SLC25A31: variants seen among roughly 807,000 people sequenced by gnomAD.
SLC25A31 encodes the protein ADP/ATP translocase 4.
Under a neutral mutation model 36.2 loss-of-function variants are expected in SLC25A31, and 40 were observed. The observed-to-expected ratio is 1.10, with a 90% CI of 0.86 to 1.44. The LOEUF is 1.44. SLC25A31 is among the 40% of genes most tolerant of loss of function. The pLI, the probability that SLC25A31 is intolerant of heterozygous loss-of-function variation, is 0.00. For synonymous variants in SLC25A31, 143 were observed against 149.7 expected, an observed-to-expected ratio of 0.96 and a Z score of 0.32; for missense variants, 350 against 397.1, an observed-to-expected ratio of 0.88 and a Z score of 1.01.
chr4:127,762,754 T>TA (rs1307132319), intron 2 of SLC25A31, among the ~76,000 whole-genome samples: 77 of 147,310 alleles, frequency 5.2e-4, no homozygotes, highest in Admixed American at 8.8e-4. Flanking sequence ...CCATCTCTAC[T>TA]AAAAAAAAAA....
chr4:127,758,545 G>A (rs1732073290), intron 2 of SLC25A31, among the ~76,000 whole-genome samples: 1 of 152,084 alleles, frequency 6.6e-6, no homozygotes, highest in South Asian at 2.1e-4. Flanking sequence ...TCTTTGCCAA[G>A]GCCAATGTTT....
chr4:127,762,156 A>G (rs759475824), intron 2 of SLC25A31, among the ~76,000 whole-genome samples: 1 of 152,232 alleles, frequency 6.6e-6, no homozygotes, highest in Non-Finnish European at 1.5e-5. Flanking sequence ...CAGAGGAATT[A>G]AGAATCTTGG....
At chr4:127,746,494 G>A (rs989295214) in intron 2 of SLC25A31, among the ~76,000 whole-genome samples, 1 of 152,064 alleles carries the variant, frequency 6.6e-6, no homozygotes, top group Non-Finnish European at 1.5e-5. Flanking sequence ...CCATGAGACA[G>A]TATCACATTG....
chr4:127,753,820 G>A (rs1202592538), intron 2 of SLC25A31, among the ~76,000 whole-genome samples: 1 of 152,114 alleles, frequency 6.6e-6, no homozygotes, highest in Non-Finnish European at 1.5e-5. Flanking sequence ...TATGAGGTCA[G>A]CATTACTCTG....
At chr4:127,743,313 T>G (rs1560632818) in intron 1 of SLC25A31, among the ~76,000 whole-genome samples, 1 of 152,090 alleles carries the variant, frequency 6.6e-6, no homozygotes, top group Admixed American at 6.5e-5. Flanking sequence ...TTTTTTAATT[T>G]TTTGTAGAGA....
chr4:127,732,265 G>T (rs1271457489), intron 1 of SLC25A31, among the ~76,000 whole-genome samples: 4 of 152,170 alleles, frequency 2.6e-5, no homozygotes, highest in Non-Finnish European at 5.9e-5. Flanking sequence ...AAAGCACCTT[G>T]TACCCTAGGA....
chr4:127,760,494 C>T (rs1300869099), intron 2 of SLC25A31, among the ~76,000 whole-genome samples: 1 of 152,176 alleles, frequency 6.6e-6, no homozygotes, highest in Non-Finnish European at 1.5e-5. Flanking sequence ...GCATAAACTG[C>T]TCCTCAGCCA....
chr4:127,739,495 C>T (rs1253547384), intron 1 of SLC25A31, among the ~76,000 whole-genome samples: 6 of 152,158 alleles, frequency 3.9e-5, no homozygotes, highest in African/African-American at 1.2e-4. Flanking sequence ...TGTACATGAT[C>T]TGACCTTTTC....
At chr4:127,768,133 GTATTATT>G (rs1228158768) in intron 4 of SLC25A31, among the ~76,000 whole-genome samples, 1 of 151,516 alleles carries the variant, frequency 6.6e-6, no homozygotes, top group Non-Finnish European at 1.5e-5. Context: ...ATTAATATCA[GTATTATT>G]TATTAGTATA....
In SLC25A31 at chr4:127,767,231, G is replaced by T; in HGVS notation, c.633+11G>T. ...TATGACACAGTTAAGGTAATCTGGG[G>T]GCTTTAACTTGGACATATTAAATAT... On this transcript the variant is annotated intron_variant, in intron 4 of 5. Coordinates refer to ENST00000281154, the MANE Select transcript of SLC25A31 (RefSeq NM_031291.4). 1 of 1,539,406 alleles carries T rather than the reference G, an allele frequency of 6.5e-7. No individual in the cohort carries two copies. The highest frequency in any genetic ancestry group is 8.7e-7 in the Non-Finnish European group (1 of 1,144,606).
intron 1 of SLC25A31, among the ~76,000 whole-genome samples, chr4:127,740,877 C>T (rs967644469): frequency 3.3e-5 from 5 of 152,212 alleles, no homozygotes; most frequent in Admixed American, 3.3e-4. Flanking sequence ...GTGGCTCAGG[C>T]TGCTCATCTA....
chr4:127,740,025 C>T (rs894334727), intron 1 of SLC25A31, among the ~76,000 whole-genome samples: 3 of 152,028 alleles, frequency 2.0e-5, no homozygotes, highest in African/African-American at 7.2e-5. Flanking sequence ...TCTTATTGAG[C>T]TTCCTTGCAA....
intron 1 of SLC25A31, among the ~76,000 whole-genome samples, chr4:127,736,630 T>G (rs950319740): frequency 6.6e-6 from 1 of 152,246 alleles, no homozygotes; most frequent in Non-Finnish European, 1.5e-5. Flanking sequence ...TCCTATATCT[T>G]GTAACTTTGA....
intron 5 of SLC25A31, among the ~76,000 whole-genome samples, chr4:127,769,555 A>G (rs1275514602): frequency 2.0e-5 from 3 of 152,246 alleles, no homozygotes; most frequent in Non-Finnish European, 4.4e-5. Context: ...AGCATTTCAG[A>G]TAAGGGATAC....
At chr4:127,755,107 T>C (rs1732004808) in intron 2 of SLC25A31, among the ~76,000 whole-genome samples, 1 of 152,136 alleles carries the variant, frequency 6.6e-6, no homozygotes, top group Admixed American at 6.5e-5. Context: ...AAGAATGAAA[T>C]TGGACTCTTA....
chr4:127,733,544 G>A (rs576184692), intron 1 of SLC25A31, among the ~76,000 whole-genome samples: 30 of 152,194 alleles, frequency 2.0e-4, no homozygotes, highest in African/African-American at 6.5e-4. Context: ...TTTATTTGAC[G>A]TATTTCAAAA....
At chr4:127,736,537 G>A (rs1226735993) in intron 1 of SLC25A31, among the ~76,000 whole-genome samples, 1 of 152,156 alleles carries the variant, frequency 6.6e-6, no homozygotes, top group Non-Finnish European at 1.5e-5. Flanking sequence ...GTTTTATCCA[G>A]AATGGATTTT....
At chr4:127,769,016 TCTGTCTTA>T in intron 5 of SLC25A31, 139 bp downstream of exon 5, 1 of 751,878 alleles carries the variant, frequency 1.3e-6, no homozygotes, top group Non-Finnish European at 2.0e-6. Flanking sequence ...CATGATGTAT[TCTGTCTTA>T]TATTCTTTCC....
At chr4:127,731,741 TAGAG>T (rs1731530738) in intron 1 of SLC25A31, among the ~76,000 whole-genome samples, 1 of 151,846 alleles carries the variant, frequency 6.6e-6, no homozygotes, top group Non-Finnish European at 1.5e-5. Context: ...CTCTTTCAAC[TAGAG>T]AGAGAGCTGT....
Sources: gnomAD v4.1 joint callset for allele counts (sites outside exome capture counted in the v4.1 genomes callset) on GRCh38, gnomAD v4.1.1 for gene constraint, MANE v1.5 for transcripts, NCBI Gene and HGNC (gene_info 2026-07-23, HGNC 2026-07-21) for gene names.